The following NKAIN2 variants were observed in gnomAD, a reference collection of about 807,000 sequenced individuals.
NKAIN2 encodes the protein sodium/potassium-transporting ATPase subunit beta-1-interacting protein 2.
In NKAIN2, 14 loss-of-function variants were observed where a neutral mutation model predicts 32.6. The observed-to-expected ratio is 0.43, with a 90% confidence interval of 0.28 to 0.67. NKAIN2 has a LOEUF of 0.67. Ranked by LOEUF, NKAIN2 falls within the 30% of genes least tolerant of loss-of-function variation. NKAIN2 has a pLI of 0.17. For missense variants in NKAIN2, 198 were observed against 258.3 expected, an observed-to-expected ratio of 0.77 and a Z score of 1.60; for synonymous variants, 80 against 87.2, an observed-to-expected ratio of 0.92 and a Z score of 0.46.
At chr6:124,208,558 A>G (rs1791013392) in intron 1 of NKAIN2, among the ~76,000 whole-genome samples, 1 of 151,738 alleles carries the variant, frequency 6.6e-6, no homozygotes, top group South Asian at 2.1e-4. Context: ...ATTCCAGTTA[A>G]TAGATAATTA....
At chr6:124,620,178 G>T (rs1208910105) in intron 3 of NKAIN2, among the ~76,000 whole-genome samples, 1 of 152,082 alleles carries the variant, frequency 6.6e-6, no homozygotes. Flanking sequence ...GGTCCATGAG[G>T]TGTGCTTTTT....
intron 3 of NKAIN2, among the ~76,000 whole-genome samples, chr6:124,394,073 ATCTGT>A (rs1458317341): frequency 6.6e-6 from 1 of 152,160 alleles, no homozygotes; most frequent in African/African-American, 2.4e-5. Context: ...AGATCTGGAC[ATCTGT>A]TCTGGGTATA....
At chr6:124,272,292 C>T (rs973697086) in intron 1 of NKAIN2, among the ~76,000 whole-genome samples, 1 of 152,170 alleles carries the variant, frequency 6.6e-6, no homozygotes, top group Admixed American at 6.5e-5. Flanking sequence ...GGCTCTGCTG[C>T]TCTGTGCAGC....
chr6:124,120,206 A>G (rs1785810885), intron 1 of NKAIN2, among the ~76,000 whole-genome samples: 1 of 152,200 alleles, frequency 6.6e-6, no homozygotes, highest in Non-Finnish European at 1.5e-5. Context: ...TTTTATTTTA[A>G]TGCCCTATAT....
chr6:124,364,250 A>AAAAAG (rs3054409), intron 3 of NKAIN2, among the ~76,000 whole-genome samples: 8 of 139,738 alleles, frequency 5.7e-5, no homozygotes, highest in Non-Finnish European at 1.2e-4. Context: ...AAAAAAAAAA[A>AAAAAG]AGAGAGAAAA....
chr6:124,585,244 A>G (rs1206348906), intron 3 of NKAIN2, among the ~76,000 whole-genome samples: 1 of 152,200 alleles, frequency 6.6e-6, no homozygotes, highest in Non-Finnish European at 1.5e-5. Flanking sequence ...TTATTTGCCA[A>G]TGCTAAAAAT....
At chr6:124,271,372 A>G (rs377160602) in intron 1 of NKAIN2, among the ~76,000 whole-genome samples, 65 of 152,150 alleles carry the variant, frequency 4.3e-4, no homozygotes, top group South Asian at 3.3e-3. Flanking sequence ...GCCTGCCACC[A>G]CGCCTGGCTA....
intron 1 of NKAIN2, among the ~76,000 whole-genome samples, chr6:124,201,945 C>T (rs147549696): frequency 1.7e-3 from 254 of 151,968 alleles, no homozygotes; most frequent in African/African-American, 5.9e-3. Flanking sequence ...TTTCTATTAA[C>T]GTTTGAGCTT....
At chr6:124,241,412 C>CA (rs1793087114) in intron 1 of NKAIN2, among the ~76,000 whole-genome samples, 1 of 151,952 alleles carries the variant, frequency 6.6e-6, no homozygotes, top group South Asian at 2.1e-4. Context: ...CATCTGGAAC[C>CA]AAAAAAGAGC....
At chr6:124,799,155 C>A (rs1780143765) in intron 5 of NKAIN2, among the ~76,000 whole-genome samples, 1 of 152,170 alleles carries the variant, frequency 6.6e-6, no homozygotes, top group African/African-American at 2.4e-5. Context: ...ACACCTGAGA[C>A]AGATGCTACA....
rs185869111 is a variant in NKAIN2, at chr6:124,823,102, G to A, written c.618-118G>A. On this transcript the variant is annotated intron_variant, in intron 6 of 6. Transcript: ENST00000368417. ...ATTATCTATTTAAAACCCAATTTGG[G>A]CTTCTTTTTTGTTTGTTTGTTTGTT... 66 of 788,264 alleles carry A rather than the reference G, an allele frequency of 8.4e-5. 1 individual carries two copies. Among genetic ancestry groups the A allele is most frequent in the Non-Finnish European group, 1.3e-4 (56 of 442,084 alleles). The allele number at this position is 788,264 out of a possible 1,614,324, so 48.8% of individuals were successfully genotyped here. A position where few individuals can be genotyped will look rare whatever the true frequency, so the allele number is the denominator to read the frequency against.
chr6:123,871,579 A>G (rs1772882059), intron 1 of NKAIN2, among the ~76,000 whole-genome samples: 1 of 152,126 alleles, frequency 6.6e-6, no homozygotes, highest in East Asian at 1.9e-4. Context: ...TAGTGTACAT[A>G]TCCAGGAGCT....
intron 2 of NKAIN2, among the ~76,000 whole-genome samples, chr6:124,300,743 T>C (rs1796259455): frequency 1.3e-5 from 2 of 152,208 alleles, no homozygotes; most frequent in African/African-American, 4.8e-5. Context: ...ACTCTTGTTA[T>C]GCTTTAGCAA....
intron 5 of NKAIN2, among the ~76,000 whole-genome samples, chr6:124,810,763 G>A (rs923622112): frequency 1.3e-5 from 2 of 152,022 alleles, no homozygotes; most frequent in African/African-American, 2.4e-5. Context: ...TTTAGGAAGC[G>A]AAGCATCTGC....
At chr6:124,476,035 A>G (rs9398756) in intron 3 of NKAIN2, among the ~76,000 whole-genome samples, 1 of 145,330 alleles carries the variant, frequency 6.9e-6, no homozygotes, top group Non-Finnish European at 1.5e-5. Context: ...TGTGTGTGAG[A>G]GAGTGTGTGT....
intron 1 of NKAIN2, among the ~76,000 whole-genome samples, chr6:124,211,517 A>G (rs1791174434): frequency 1.3e-5 from 2 of 151,936 alleles, no homozygotes; most frequent in South Asian, 4.1e-4. Flanking sequence ...AGAAGAAGAG[A>G]TTATTTAAAA....
chr6:124,787,099 C>T (rs1213925112), intron 4 of NKAIN2, among the ~76,000 whole-genome samples: 1 of 152,092 alleles, frequency 6.6e-6, no homozygotes, highest in Admixed American at 6.6e-5. Context: ...GTGCCAAGCA[C>T]CAACCTACTC....
intron 3 of NKAIN2, among the ~76,000 whole-genome samples, chr6:124,496,920 C>T (rs1385222127): frequency 2.0e-5 from 3 of 152,024 alleles, no homozygotes; most frequent in African/African-American, 4.8e-5. Context: ...TCAGAAATCT[C>T]ATAAGTGGCA....
At chr6:124,481,664 C>T (rs538749938) in intron 3 of NKAIN2, among the ~76,000 whole-genome samples, 1 of 152,072 alleles carries the variant, frequency 6.6e-6, no homozygotes, top group South Asian at 2.1e-4. Context: ...ATTCTTTTTA[C>T]CAGGTTTTTG....
Sources: gnomAD v4.1 joint callset for allele counts (sites outside exome capture counted in the v4.1 genomes callset) on GRCh38, gnomAD v4.1.1 for gene constraint, MANE v1.5 for transcripts, NCBI Gene and HGNC (gene_info 2026-07-23, HGNC 2026-07-21) for gene names.